The following SLC24A3 variants were observed in gnomAD, a reference collection of about 807,000 sequenced individuals.
SLC24A3 encodes solute carrier family 24 member 3, also known as sodium/potassium/calcium exchanger 3.
A neutral mutation model predicts 75.8 loss-of-function variants in SLC24A3; 28 were observed. The observed-to-expected ratio is 0.37, with a 90% CI of 0.27 to 0.51. The LOEUF (loss-of-function observed/expected upper bound fraction) is 0.51, where lower values mean the gene tolerates loss of function less well. Ranked by LOEUF, SLC24A3 falls within the 20% of genes least tolerant of loss-of-function variation. SLC24A3 has a pLI of 0.94. For synonymous variants in SLC24A3, 372 were observed against 334.1 expected (o/e 1.11, Z -1.24); for missense variants, 663 against 847.8 (o/e 0.78, Z 2.71).
intron 2 of SLC24A3, among the ~76,000 whole-genome samples, chr20:19,402,261 G>T (rs1367394686): frequency 1.3e-5 from 2 of 152,202 alleles, no homozygotes; most frequent in Admixed American, 1.3e-4. Flanking sequence ...GCCAGAAAAT[G>T]AAGAGAGTTC....
intron 2 of SLC24A3, among the ~76,000 whole-genome samples, chr20:19,333,340 T>C (rs563437268): frequency 3.7e-4 from 57 of 152,300 alleles, no homozygotes; most frequent in African/African-American, 1.1e-3. Flanking sequence ...ATGCATCTGT[T>C]CATTACAACC....
intron 2 of SLC24A3, among the ~76,000 whole-genome samples, chr20:19,348,624 G>A (rs551603371): frequency 6.6e-6 from 1 of 152,198 alleles, no homozygotes; most frequent in South Asian, 2.1e-4. Context: ...GTTTTAGCAG[G>A]TCTAACATCA....
intron 6 of SLC24A3, among the ~76,000 whole-genome samples, chr20:19,610,401 ACCCCACAGATGCACAGC>A (rs2031657800): frequency 6.6e-6 from 1 of 152,024 alleles, no homozygotes; most frequent in Non-Finnish European, 1.5e-5. Flanking sequence ...CTGGGCTGGG[ACCCCACAGATGCACAGC>A]CCCAAGCCAC....
intron 2 of SLC24A3, among the ~76,000 whole-genome samples, chr20:19,376,186 G>A (rs953477631): frequency 6.6e-6 from 1 of 152,182 alleles, no homozygotes; most frequent in Non-Finnish European, 1.5e-5. Flanking sequence ...AATACATTGT[G>A]TACCCCAATT....
At chr20:19,374,767 C>T (rs1166993865) in intron 2 of SLC24A3, among the ~76,000 whole-genome samples, 1 of 152,138 alleles carries the variant, frequency 6.6e-6, no homozygotes, top group Non-Finnish European at 1.5e-5. Flanking sequence ...TGGCCCTGAT[C>T]ATATTCTTCA....
At chr20:19,639,383 A>T (rs902721631) in intron 6 of SLC24A3, among the ~76,000 whole-genome samples, 24 of 152,142 alleles carry the variant, frequency 1.6e-4, no homozygotes, top group Non-Finnish European at 4.4e-5. Flanking sequence ...GCCCCACAAG[A>T]GTAGCTAGAT....
At chr20:19,674,760 T>C (rs1366932218) in intron 9 of SLC24A3, among the ~76,000 whole-genome samples, 1 of 152,216 alleles carries the variant, frequency 6.6e-6, no homozygotes, top group East Asian at 1.9e-4. Context: ...AGCTTATTTA[T>C]ATCAAGAATT....
intron 2 of SLC24A3, among the ~76,000 whole-genome samples, chr20:19,462,123 G>A (rs996615316): frequency 1.2e-4 from 18 of 152,182 alleles, no homozygotes; most frequent in South Asian, 2.1e-4. Context: ...ACATTATCTC[G>A]TGTCTTAAAT....
At position 19,417,630 on chromosome 20, in the gene SLC24A3, G is replaced by C. The variant is rs565656486; in HGVS notation, c.272-97858G>C. Among the ~76,000 whole-genome samples, 11 of 152,288 alleles carry C rather than the reference G, an allele frequency of 7.2e-5. No homozygotes were observed. In the East Asian group the frequency reaches 2.1e-3, roughly 29 times the overall value. On this transcript the variant is annotated intron_variant, in intron 2 of 16. Coordinates refer to ENST00000328041, the MANE Select transcript of SLC24A3 (RefSeq NM_020689.4). ...ACAGACTTGGGAAAGGCTGAAAACA[G>C]AAGAATAAGTTGTTTATTAGGAACA...
chr20:19,709,046 G>T (rs1175700101), intron 15 of SLC24A3, among the ~76,000 whole-genome samples: 2 of 152,148 alleles, frequency 1.3e-5, no homozygotes, highest in Admixed American at 1.3e-4. Flanking sequence ...AAGGAGGGAA[G>T]GCAGCCCACA....
At chr20:19,263,829 A>G (rs1374619151) in intron 1 of SLC24A3, among the ~76,000 whole-genome samples, 2 of 152,222 alleles carry the variant, frequency 1.3e-5, no homozygotes, top group African/African-American at 2.4e-5. Context: ...TTTAAACGAA[A>G]GCTTCACTGC....
At chr20:19,375,575 C>T (rs1986070208) in intron 2 of SLC24A3, among the ~76,000 whole-genome samples, 1 of 152,222 alleles carries the variant, frequency 6.6e-6, no homozygotes, top group African/African-American at 2.4e-5. Context: ...TTCTTCTGCA[C>T]ATTGCCTTAT....
At chr20:19,456,568 C>T (rs1449239797) in intron 2 of SLC24A3, among the ~76,000 whole-genome samples, 1 of 152,180 alleles carries the variant, frequency 6.6e-6, no homozygotes, top group Non-Finnish European at 1.5e-5. Flanking sequence ...TGTAAATTGC[C>T]CAGTCTTTAT....
intron 2 of SLC24A3, among the ~76,000 whole-genome samples, chr20:19,311,056 T>G (rs961217741): frequency 2.0e-5 from 3 of 151,922 alleles, no homozygotes; most frequent in Non-Finnish European, 4.4e-5. Flanking sequence ...TCCTTCCTTC[T>G]TGCCTTCCCT....
At chr20:19,664,381 G>A (rs535705011) in intron 7 of SLC24A3, among the ~76,000 whole-genome samples, 29 of 152,222 alleles carry the variant, frequency 1.9e-4, no homozygotes, top group Non-Finnish European at 3.2e-4. Context: ...TCATCCCAAT[G>A]TCAACTTGTT....
intron 7 of SLC24A3, among the ~76,000 whole-genome samples, chr20:19,662,275 A>G (rs1439898163): frequency 3.3e-5 from 5 of 152,190 alleles, no homozygotes; most frequent in Non-Finnish European, 5.9e-5. Context: ...TGCTTTCACA[A>G]ATCTGATGGG....
intron 2 of SLC24A3, among the ~76,000 whole-genome samples, chr20:19,437,760 G>A (rs549780210): frequency 1.5e-4 from 23 of 152,242 alleles, no homozygotes; most frequent in African/African-American, 5.5e-4. Context: ...CAGCTGCTAG[G>A]GGTGCCAGGG....
intron 6 of SLC24A3, among the ~76,000 whole-genome samples, chr20:19,593,857 C>A (rs2031415484): frequency 6.6e-6 from 1 of 152,198 alleles, no homozygotes; most frequent in Non-Finnish European, 1.5e-5. Flanking sequence ...GGACTGGCAG[C>A]CCAGAAAATG....
At chr20:19,396,467 A>T (rs1986455688) in intron 2 of SLC24A3, among the ~76,000 whole-genome samples, 1 of 152,210 alleles carries the variant, frequency 6.6e-6, no homozygotes, top group Non-Finnish European at 1.5e-5. Flanking sequence ...AATTCTTCAA[A>T]ATCTGATGTA....
Sources: allele counts gnomAD v4.1 joint callset (sites outside exome capture counted in the v4.1 genomes callset), GRCh38; gene constraint gnomAD v4.1.1; transcripts MANE v1.5; gene names NCBI Gene and HGNC (gene_info 2026-07-23, HGNC 2026-07-21).